DOCK3: variants seen among roughly 807,000 people sequenced by gnomAD.
DOCK3 encodes dedicator of cytokinesis protein 3.
A neutral mutation model predicts 265.6 loss-of-function variants in DOCK3; 60 were observed. The ratio of observed to expected loss-of-function variants is 0.23; its 90% CI spans 0.18 to 0.28. The LOEUF (loss-of-function observed/expected upper bound fraction) is 0.28, where lower values mean the gene tolerates loss of function less well. DOCK3 is among the 10% of genes least tolerant of loss of function. DOCK3 has a pLI of 1.00. For missense variants in DOCK3, 1,981 were observed against 2,594.3 expected (o/e 0.76, Z 5.14); for synonymous variants, 881 against 938.0 (o/e 0.94, Z 1.11).
Position 51,381,189 on chromosome 3 carries a change from C to T in DOCK3, c.5723C>T (p.Pro1908Leu). 1 of 1,613,930 alleles carries T rather than the reference C, an allele frequency of 6.2e-7. No individual in the cohort carries two copies. Among genetic ancestry groups the T allele is most frequent in the Non-Finnish European group, 8.5e-7 (1 of 1,179,878 alleles). ...AACTTTGGGCACTCCTCGGAGGCCCCACCTCGCACTGACACCATGGACTCC... is the reference window on the plus strand; with the variant it reads ...AACTTTGGGCACTCCTCGGAGGCCCTACCTCGCACTGACACCATGGACTCC... ...ESNFGHSSEAPPRTDTMDSMP... is the reference protein window; with the variant it reads ...ESNFGHSSEALPRTDTMDSMP... Residue 1908 changes from proline (P) to leucine (L), a missense_variant, in exon 53 of 53, where the codon CCA (proline) becomes CTA (leucine). Physicochemically the swap from Pro to Leu is moderately conservative, Grantham distance 98 (BLOSUM62 -3). Around this residue, in one of 4 missense-constraint regions of DOCK3, gnomAD observed 1,357 missense variants for 1,866.8 expected, o/e 0.73. Transcript: ENST00000266037. The surrounding 1 kb of genome is among the most constrained non-coding windows in gnomAD (Gnocchi z 5.6).
chr3:51,368,833 C>T (rs1318840264), intron 49 of DOCK3, among the ~76,000 whole-genome samples: 1 of 152,192 alleles, frequency 6.6e-6, no homozygotes, highest in African/African-American at 2.4e-5. Flanking sequence ...CCTCATATGG[C>T]AGGGTGCCCC....
intron 14 of DOCK3, among the ~76,000 whole-genome samples, chr3:51,220,371 A>T (rs1386827703): frequency 1.3e-5 from 2 of 152,106 alleles, no homozygotes; most frequent in East Asian, 3.9e-4. Context: ...ATTAAATATT[A>T]TTGGGCAGGG....
At chr3:50,772,926 G>GA (rs35100489) in intron 1 of DOCK3, among the ~76,000 whole-genome samples, 67 of 143,886 alleles carry the variant, frequency 4.7e-4, no homozygotes, top group South Asian at 8.8e-4. Context: ...CACAGAAATA[G>GA]AAAAAAAAAA....
intron 1 of DOCK3, among the ~76,000 whole-genome samples, chr3:50,680,820 A>T (rs1243536406): frequency 6.6e-6 from 1 of 151,872 alleles, no homozygotes; most frequent in Non-Finnish European, 1.5e-5. Context: ...CTACTTTTTA[A>T]TGGGATTATT....
At chr3:51,232,428 T>G (rs1020882489) in intron 19 of DOCK3, among the ~76,000 whole-genome samples, 1 of 152,208 alleles carries the variant, frequency 6.6e-6, no homozygotes, top group African/African-American at 2.4e-5. Flanking sequence ...AGATCTACTT[T>G]TAGTTCTTTA....
chr3:51,043,801 T>C (rs145868488), intron 5 of DOCK3, among the ~76,000 whole-genome samples: 81 of 152,062 alleles, frequency 5.3e-4, no homozygotes, highest in African/African-American at 1.9e-3. Flanking sequence ...AAGATATACA[T>C]GCGGCCAACA....
chr3:50,889,485 A>G (rs1463935026), intron 3 of DOCK3, among the ~76,000 whole-genome samples: 1 of 150,852 alleles, frequency 6.6e-6, no homozygotes, highest in African/African-American at 2.4e-5. Context: ...TAAATACGCT[A>G]CTTATTCTTT....
intron 22 of DOCK3, among the ~76,000 whole-genome samples, chr3:51,251,637 T>G (rs905822420): frequency 2.0e-5 from 3 of 152,282 alleles, no homozygotes; most frequent in African/African-American, 7.2e-5. Flanking sequence ...ATGAGCTTTT[T>G]TTCATATGTT....
intron 23 of DOCK3, among the ~76,000 whole-genome samples, chr3:51,261,730 G>A (rs1366307812): frequency 1.3e-5 from 2 of 152,170 alleles, no homozygotes. Flanking sequence ...GGTCAGGGGA[G>A]GAGCATCCAC....
rs1252001927 is a variant in DOCK3, at chr3:51,361,892, A to G, written c.5040A>G (p.Ser1680=). Residue 1680 remains serine (S), a synonymous_variant, in exon 48 of 53, where the codon TCA becomes TCG. Transcript: ENST00000266037. This position sits in a 1 kb window ranked among gnomAD's most constrained non-coding sequence, Gnocchi z 4.2. ...ACTTGATGGGCACAGGCCGCCATTCATCATCCTCTCTCTCCTCACATGCGT... is the reference window on the plus strand; with the variant it reads ...ACTTGATGGGCACAGGCCGCCATTCGTCATCCTCTCTCTCCTCACATGCGT... The part of the protein sequence containing the change: ...PMNLMGTGRH[S]SSSLSSHASS... 4 of 1,613,476 alleles carry G rather than the reference A, an allele frequency of 2.5e-6. No individual in the cohort carries two copies. Among genetic ancestry groups the G allele is most frequent in the Non-Finnish European group, 8.5e-7 (1 of 1,179,718 alleles).
intron 14 of DOCK3, among the ~76,000 whole-genome samples, chr3:51,221,128 G>A (rs949644007): frequency 3.9e-5 from 6 of 152,074 alleles, no homozygotes; most frequent in African/African-American, 1.2e-4. Context: ...TATCTATCCC[G>A]TTAAGATTTC....
At chr3:50,838,227 A>G (rs1353606349) in intron 2 of DOCK3, among the ~76,000 whole-genome samples, 3 of 152,156 alleles carry the variant, frequency 2.0e-5, no homozygotes, top group Admixed American at 2.0e-4. Context: ...TTATAGGTAG[A>G]AGGGATAGAA....
Position 51,016,503 on chromosome 3 carries a change from AAT to A in DOCK3, c.316-47936_316-47935del, listed in dbSNP as rs1334223176. ...ATATATATATCATATATTTCTACAT[AAT>A]ATATATATCATATATTTCTATATAA... On this transcript the variant is annotated intron_variant, in intron 5 of 52. Coordinates refer to ENST00000266037, the MANE Select transcript of DOCK3 (RefSeq NM_004947.5). Among the ~76,000 whole-genome samples the A allele has an allele frequency of 7.0e-4, 64 of 91,204 alleles. 2 individuals are homozygous for A. The highest frequency in any genetic ancestry group is 2.1e-3 in the African/African-American group (41 of 19,708). The allele number at this position is 91,204 out of a possible 152,430, so 59.8% of individuals were successfully genotyped here.
chr3:50,792,122 A>T (rs371500486), intron 2 of DOCK3, among the ~76,000 whole-genome samples: 1 of 142,740 alleles, frequency 7.0e-6, no homozygotes. Flanking sequence ...GTCATCTCTG[A>T]TTTTTTTTTT....
chr3:50,925,902 G>C (rs1392357181), intron 4 of DOCK3, among the ~76,000 whole-genome samples: 5 of 145,724 alleles, frequency 3.4e-5, no homozygotes, highest in Non-Finnish European at 7.4e-5. Context: ...CACAATCTTG[G>C]CTTACTGCTA....
chr3:51,179,159 A>T (rs1560168889), intron 12 of DOCK3, among the ~76,000 whole-genome samples: 1 of 152,232 alleles, frequency 6.6e-6, no homozygotes, highest in Non-Finnish European at 1.5e-5. Flanking sequence ...CAAACAGAAC[A>T]CATCTTTTCC....
At chr3:50,760,882 C>T (rs1368857133) in intron 1 of DOCK3, among the ~76,000 whole-genome samples, 13 of 151,734 alleles carry the variant, frequency 8.6e-5, no homozygotes, top group East Asian at 1.9e-4. Context: ...CCTGGGTTCA[C>T]GCCATTCTCC....
At chr3:50,946,234 G>C (rs1003680187) in intron 5 of DOCK3, among the ~76,000 whole-genome samples, 2 of 152,012 alleles carry the variant, frequency 1.3e-5, no homozygotes, top group South Asian at 2.1e-4. Context: ...ACTGAAGAAG[G>C]GCTTTGACGT....
chr3:50,691,602 TATG>T (rs1338732802), intron 1 of DOCK3, among the ~76,000 whole-genome samples: 1 of 152,222 alleles, frequency 6.6e-6, no homozygotes, highest in African/African-American at 2.4e-5. Context: ...TGCTGAACAA[TATG>T]ATAATTCTGT....
Sources: allele counts gnomAD v4.1 joint callset (sites outside exome capture counted in the v4.1 genomes callset), GRCh38; gene constraint gnomAD v4.1.1; regional missense constraint gnomAD v4.1.1; non-coding constraint Gnocchi (gnomAD v3.1); transcripts MANE v1.5; gene names NCBI Gene and HGNC (gene_info 2026-07-23, HGNC 2026-07-21).